NEDD4L: variants seen among roughly 807,000 people sequenced by gnomAD.
NEDD4L encodes the protein NEDD4 like E3 ubiquitin protein ligase.
A neutral mutation model predicts 148.9 loss-of-function variants in NEDD4L; 54 were observed. That is an observed-to-expected ratio of 0.36 (90% CI 0.29 to 0.45). The LOEUF (loss-of-function observed/expected upper bound fraction) is 0.45, where lower values mean the gene tolerates loss of function less well. NEDD4L is among the 20% of genes least tolerant of loss of function. The pLI is 1.00. For synonymous variants in NEDD4L, 433 were observed against 440.7 expected, an observed-to-expected ratio of 0.98 and a Z score of 0.22; for missense variants, 856 against 1,233.8, an observed-to-expected ratio of 0.69 and a Z score of 4.59.
chr18:58,357,358 G>C (rs1052471990), intron 19 of NEDD4L, 106 bp downstream of exon 19: 1 of 1,023,078 alleles, frequency 9.8e-7, no homozygotes, highest in Non-Finnish European at 1.6e-6. Flanking sequence ...AACGGTGATT[G>C]AGTAGTTGAC....
At position 58,390,818 on chromosome 18, in the gene NEDD4L, T is replaced by G. The variant is rs951095787; in HGVS notation, c.2752+76T>G. On this transcript the variant is annotated intron_variant, in intron 29 of 30. Coordinates refer to ENST00000400345, the MANE Select transcript of NEDD4L (RefSeq NM_001144967.3). ...GGCATGAACTCTGGCCCAAGAACCC[T>G]GCCGCCAGGCCTCTGCAGAAGGCTA... 17 of 1,030,788 alleles carry G rather than the reference T, an allele frequency of 1.6e-5. No individual in the cohort carries two copies. The African/African-American group carries it at 2.4e-4, about 14-fold the overall frequency. The allele number at this position is 1,030,788 out of a possible 1,614,324, so 63.9% of individuals were successfully genotyped here.
At chr18:58,125,625 C>T (rs1232471401) in intron 1 of NEDD4L, among the ~76,000 whole-genome samples, 2 of 152,194 alleles carry the variant, frequency 1.3e-5, no homozygotes, top group African/African-American at 4.8e-5. Flanking sequence ...ACTCTCTTCT[C>T]TGTGCCTCAT....
intron 13 of NEDD4L, among the ~76,000 whole-genome samples, chr18:58,337,992 A>C (rs901938249): frequency 1.3e-5 from 2 of 152,218 alleles, no homozygotes; most frequent in African/African-American, 4.8e-5. Flanking sequence ...TATTCTAAAA[A>C]TACACGAGCC....
At chr18:58,374,716 G>C (rs2047332089) in intron 24 of NEDD4L, among the ~76,000 whole-genome samples, 1 of 151,168 alleles carries the variant, frequency 6.6e-6, no homozygotes, top group Admixed American at 6.6e-5. Flanking sequence ...AAGGCACAGT[G>C]CCTTTCACTC....
chr18:58,283,438 A>C (rs1330452906), intron 5 of NEDD4L, among the ~76,000 whole-genome samples: 1 of 152,108 alleles, frequency 6.6e-6, no homozygotes, highest in Non-Finnish European at 1.5e-5. Flanking sequence ...CTCATATTTT[A>C]CTGGCCAAAG....
chr18:58,087,992 C>T (rs2083851331), intron 1 of NEDD4L, among the ~76,000 whole-genome samples: 1 of 152,242 alleles, frequency 6.6e-6, no homozygotes, highest in African/African-American at 2.4e-5. Context: ...AGGCTGCAGT[C>T]ATTATGCCCG....
chr18:58,216,972 T>C lies in NEDD4L; in HGVS notation c.123-28455T>C, dbSNP rs182391129. On this transcript the variant is annotated intron_variant, in intron 2 of 30. Coordinates refer to ENST00000400345, the MANE Select transcript of NEDD4L (RefSeq NM_001144967.3). ...CTGTAGCTGCCAGATTCTAAATGTT[T>C]TGAGGATACAAATCTTGGGGTCTTT... is the stretch of plus-strand genomic sequence containing the variant. 4.9e-4 allele frequency among the ~76,000 whole-genome samples: 74 copies of C among 152,322 alleles called. 1 individual carries two copies. The highest frequency in any genetic ancestry group is 1.7e-3 in the African/African-American group (72 of 41,572).
intron 1 of NEDD4L, among the ~76,000 whole-genome samples, chr18:58,096,600 T>C (rs8088474): frequency 0.047 from 7,112 of 151,874 alleles, 565 homozygotes; most frequent in African/African-American, 0.16. Context: ...GATGGGGTTT[T>C]GCCATGTTGG....
intron 1 of NEDD4L, chr18:58,045,376 TC>T (rs1260449099): frequency 2.6e-6 from 1 of 379,108 alleles, no homozygotes; most frequent in Non-Finnish European, 4.7e-6. Context: ...TGCCATTTTT[TC>T]CTCCCGAGGA....
At chr18:58,286,761 T>A (rs748080858) in intron 5 of NEDD4L, among the ~76,000 whole-genome samples, 26 of 152,156 alleles carry the variant, frequency 1.7e-4, no homozygotes, top group Non-Finnish European at 2.8e-4. Context: ...TGAATTTAAT[T>A]GAATATTAAA....
At position 58,122,598 on chromosome 18, in the gene NEDD4L, G is replaced by A. The variant is rs374861481; in HGVS notation, c.49-43190G>A. Reference sequence around the variant, plus strand: ...GCCCTTTTTAAGAGACTTAAAATTTGTGGTAACTTTTCACATGATGTGTAT... The same window carrying A: ...GCCCTTTTTAAGAGACTTAAAATTTATGGTAACTTTTCACATGATGTGTAT... On this transcript the variant is annotated intron_variant, in intron 1 of 30. Transcript: ENST00000400345. Among the ~76,000 whole-genome samples, 15 of 152,216 alleles carry A rather than the reference G, an allele frequency of 9.9e-5. No homozygotes were observed. In the East Asian group the frequency reaches 2.3e-3, roughly 23 times the overall value.
In NEDD4L at chr18:58,172,394, C is replaced by A. The variant is rs184595964; in HGVS notation, c.122+6533C>A. On this transcript the variant is annotated intron_variant, in intron 2 of 30. Transcript: ENST00000400345. Reference sequence around the variant, plus strand: ...AAGTGTGCAGTTAGGGTAGGTGAGTCGTGCTTTCTTAACACGGGGGTAAGG... The same window carrying A: ...AAGTGTGCAGTTAGGGTAGGTGAGTAGTGCTTTCTTAACACGGGGGTAAGG... 4.6e-5 allele frequency among the ~76,000 whole-genome samples: 7 copies of A among 152,286 alleles called. No individual in the cohort carries two copies. The East Asian group carries it at 1.2e-3, about 25-fold the overall frequency.
At chr18:58,347,202 A>G (rs1601545284) in intron 16 of NEDD4L, among the ~76,000 whole-genome samples, 1 of 59,346 alleles carries the variant, frequency 1.7e-5, no homozygotes, top group African/African-American at 7.7e-5. Flanking sequence ...TTTTCACGCT[A>G]CGGCCCCCCC....
rs771142918 is a variant in NEDD4L, at chr18:58,325,091, G to A, written c.609G>A (p.Val203=). 8.7e-6 allele frequency: 14 copies of A among 1,614,024 alleles called. No individual in the cohort carries two copies. The South Asian group carries it at 1.3e-4, about 15-fold the overall frequency. ...TGCCTCCCGGGTGGGAAGAAAAAGT[G>A]GACAATTTAGGCCGAACTTACTATG... ...PPLPPGWEEK[V]DNLGRTYYVN... is the part of the protein sequence containing the mutation. Residue 203 remains valine (V), a synonymous_variant, in exon 9 of 31, where the codon GTG becomes GTA. Coordinates refer to ENST00000400345, the MANE Select transcript of NEDD4L (RefSeq NM_001144967.3).
intron 1 of NEDD4L, among the ~76,000 whole-genome samples, chr18:58,095,526 C>G (rs553144135): frequency 6.6e-6 from 1 of 151,080 alleles, no homozygotes; most frequent in African/African-American, 2.4e-5. Flanking sequence ...AGGGGCCTTG[C>G]AGGGCTCAGT....
At chr18:58,244,885 A>T (rs2047073364) in intron 2 of NEDD4L, among the ~76,000 whole-genome samples, 1 of 152,002 alleles carries the variant, frequency 6.6e-6, no homozygotes, top group African/African-American at 2.4e-5. Context: ...TAGTAGAGAC[A>T]GGGTTTCACC....
chr18:58,141,134 C>A (rs988513447), intron 1 of NEDD4L, among the ~76,000 whole-genome samples: 1 of 152,120 alleles, frequency 6.6e-6, no homozygotes, highest in Non-Finnish European at 1.5e-5. Context: ...CCATGGGCAC[C>A]CAGCACGGGG....
chr18:58,395,581 G>C (rs17064952), intron 30 of NEDD4L, among the ~76,000 whole-genome samples: 2,220 of 152,124 alleles, frequency 0.015, 55 homozygotes, highest in African/African-American at 0.051. Context: ...TTGATCAGAG[G>C]AGGTAGCTTA....
At chr18:58,299,888 T>C (rs1568620198) in intron 5 of NEDD4L, among the ~76,000 whole-genome samples, 1 of 152,222 alleles carries the variant, frequency 6.6e-6, no homozygotes, top group Admixed American at 6.5e-5. Flanking sequence ...ATGGTCCATT[T>C]ATGATCTGCC....
Sources: gnomAD v4.1 joint callset for allele counts (sites outside exome capture counted in the v4.1 genomes callset) on GRCh38, gnomAD v4.1.1 for gene constraint, MANE v1.5 for transcripts, NCBI Gene and HGNC (gene_info 2026-07-23, HGNC 2026-07-21) for gene names.